The following B3GALT1 variants were observed in gnomAD, a reference collection of about 807,000 sequenced individuals.
The protein encoded by B3GALT1 is beta-1,3-galactosyltransferase 1, also known as UDP-Gal:betaGlcNAc beta 1,3-galactosyltransferase, polypeptide 1.
Under a neutral mutation model 23.2 loss-of-function variants are expected in B3GALT1, and 10 were observed. That is an observed-to-expected ratio of 0.43 (90% CI 0.27 to 0.73). The LOEUF (loss-of-function observed/expected upper bound fraction) is 0.73. B3GALT1 is among the 30% of genes least tolerant of loss of function. B3GALT1 has a pLI of 0.21. For missense variants in B3GALT1, 299 were observed against 405.4 expected (o/e 0.74, Z 2.25); for synonymous variants, 156 against 141.5 (o/e 1.10, Z -0.73).
At chr2:167,622,857 T>C (rs1460430709) in intron 2 of B3GALT1, among the ~76,000 whole-genome samples, 1 of 152,042 alleles carries the variant, frequency 6.6e-6, no homozygotes. Context: ...ATTAATCTGA[T>C]ACAAAACGAA....
chr2:167,568,311 C>T (rs1230595529), intron 2 of B3GALT1, among the ~76,000 whole-genome samples: 3 of 152,030 alleles, frequency 2.0e-5, no homozygotes, highest in African/African-American at 7.2e-5. Flanking sequence ...TAAGGACCTG[C>T]CAAACTGTCT....
intron 1 of B3GALT1, among the ~76,000 whole-genome samples, chr2:167,352,678 G>A (rs936979110): frequency 2.0e-5 from 3 of 151,734 alleles, no homozygotes; most frequent in South Asian, 4.2e-4. Flanking sequence ...CCAAGATCAC[G>A]CCACTGCACT....
chr2:167,765,652 C>A (rs921882809), intron 3 of B3GALT1, among the ~76,000 whole-genome samples: 11 of 152,234 alleles, frequency 7.2e-5, no homozygotes, highest in African/African-American at 2.4e-4. Context: ...AGCATTAATA[C>A]AAGGAGCAAA....
chr2:167,558,675 G>T (rs921882580), intron 2 of B3GALT1, among the ~76,000 whole-genome samples: 1 of 152,234 alleles, frequency 6.6e-6, no homozygotes, highest in Non-Finnish European at 1.5e-5. Context: ...TGGCTCGGAG[G>T]TTCCTACGCC....
intron 1 of B3GALT1, among the ~76,000 whole-genome samples, chr2:167,396,386 C>T (rs1281328891): frequency 6.6e-6 from 1 of 151,658 alleles, no homozygotes; most frequent in Non-Finnish European, 1.5e-5. Flanking sequence ...TAGAGTGAGC[C>T]TTTGGGGAAT....
chr2:167,364,583 G>A (rs1697557445), intron 1 of B3GALT1, among the ~76,000 whole-genome samples: 2 of 152,038 alleles, frequency 1.3e-5, no homozygotes, highest in South Asian at 4.2e-4. Context: ...GTGAGAACAT[G>A]CGGTGTTTGG....
At position 167,761,023 on chromosome 2, in the gene B3GALT1, C is replaced by T. The variant is rs1016587267; in HGVS notation, c.-351-57649C>T. On this transcript the variant is annotated intron_variant, in intron 3 of 4. Coordinates refer to ENST00000392690, the MANE Select transcript of B3GALT1 (RefSeq NM_020981.4). ...TCAATATTACATGTGCCTGTTTGAC[C>T]TTAATTTCCCTGAGAAAAGACTCTA... 2.0e-5 allele frequency among the ~76,000 whole-genome samples: 3 copies of T among 152,114 alleles called. No homozygotes were observed. In the South Asian group the frequency reaches 6.2e-4, roughly 32 times the overall value.
chr2:167,770,615 T>C (rs1419160440), intron 3 of B3GALT1, among the ~76,000 whole-genome samples: 1 of 152,220 alleles, frequency 6.6e-6, no homozygotes, highest in Non-Finnish European at 1.5e-5. Flanking sequence ...CAAAAATTGT[T>C]AACGTTGATA....
chr2:167,514,171 T>C (rs970796925), intron 2 of B3GALT1, among the ~76,000 whole-genome samples: 1 of 152,178 alleles, frequency 6.6e-6, no homozygotes, highest in African/African-American at 2.4e-5. Context: ...CCTCCCAAAG[T>C]GCTGGGATTA....
At chr2:167,790,897 A>C (rs1176932783) in intron 3 of B3GALT1, among the ~76,000 whole-genome samples, 1 of 152,122 alleles carries the variant, frequency 6.6e-6, no homozygotes, top group Non-Finnish European at 1.5e-5. Flanking sequence ...TTTTGTATTG[A>C]CCTAATTAAG....
At chr2:167,855,976 G>C (rs913027424) in intron 4 of B3GALT1, among the ~76,000 whole-genome samples, 1 of 152,018 alleles carries the variant, frequency 6.6e-6, no homozygotes, top group African/African-American at 2.4e-5. Context: ...AATAGCCTCA[G>C]AATTTCATGG....
chr2:167,521,427 C>G (rs888138581), intron 2 of B3GALT1, among the ~76,000 whole-genome samples: 2 of 152,070 alleles, frequency 1.3e-5, no homozygotes, highest in African/African-American at 2.4e-5. Context: ...TAAAATACCA[C>G]TTTAATGGCT....
intron 2 of B3GALT1, among the ~76,000 whole-genome samples, chr2:167,592,742 C>T (rs1684706688): frequency 6.6e-6 from 1 of 152,094 alleles, no homozygotes; most frequent in Non-Finnish European, 1.5e-5. Flanking sequence ...TGGTTTCTGG[C>T]TCTAGACAAG....
At chr2:167,405,504 G>A (rs1698261215) in intron 1 of B3GALT1, among the ~76,000 whole-genome samples, 1 of 152,046 alleles carries the variant, frequency 6.6e-6, no homozygotes, top group African/African-American at 2.4e-5. Context: ...GGTCAGAAAA[G>A]CTCAGAAATT....
chr2:167,410,824 C>T (rs1278756307), intron 1 of B3GALT1, among the ~76,000 whole-genome samples: 2 of 152,060 alleles, frequency 1.3e-5, no homozygotes, highest in Admixed American at 1.3e-4. Flanking sequence ...AAATTATACT[C>T]CCCCAAAATG....
intron 1 of B3GALT1, among the ~76,000 whole-genome samples, chr2:167,474,595 C>CT (rs961034799): frequency 2.0e-5 from 3 of 152,078 alleles, no homozygotes; most frequent in Non-Finnish European, 4.4e-5. Flanking sequence ...ATAATCGTAT[C>CT]TTTTTTCTTA....
intron 2 of B3GALT1, among the ~76,000 whole-genome samples, chr2:167,508,144 T>G (rs760343699): frequency 6.6e-6 from 1 of 152,180 alleles, no homozygotes. Flanking sequence ...TACCATCACA[T>G]TGGGGTTAGG....
intron 1 of B3GALT1, among the ~76,000 whole-genome samples, chr2:167,371,478 A>G (rs1354577374): frequency 1.3e-5 from 2 of 152,188 alleles, no homozygotes; most frequent in Non-Finnish European, 2.9e-5. Context: ...AAAAATGCCT[A>G]AAATGTTCTT....
At chr2:167,834,905 C>A (rs779845941) in intron 4 of B3GALT1, among the ~76,000 whole-genome samples, 1 of 152,112 alleles carries the variant, frequency 6.6e-6, no homozygotes, top group Non-Finnish European at 1.5e-5. Flanking sequence ...GATCTGTGCC[C>A]AAGGAGAGGC....
Sources: allele counts gnomAD v4.1 joint callset (sites outside exome capture counted in the v4.1 genomes callset), GRCh38; gene constraint gnomAD v4.1.1; transcripts MANE v1.5; gene names NCBI Gene and HGNC (gene_info 2026-07-23, HGNC 2026-07-21).